ARFGAP3: variants seen among roughly 807,000 people sequenced by gnomAD.
ARFGAP3 encodes ARF GTPase activating protein 3, also known as ADP-ribosylation factor GTPase-activating protein 3.
In ARFGAP3, 72 loss-of-function variants were observed where a neutral mutation model predicts 75.0. The observed-to-expected ratio is 0.96, with a 90% CI of 0.79 to 1.17. ARFGAP3 has a LOEUF of 1.17. ARFGAP3 is among the 50% of genes most tolerant of loss of function. ARFGAP3 has a pLI of 0.00. For missense variants in ARFGAP3, 620 were observed against 626.6 expected (o/e 0.99, Z 0.11); for synonymous variants, 221 against 217.9 (o/e 1.01, Z -0.13).
intron 2 of ARFGAP3, among the ~76,000 whole-genome samples, chr22:42,842,146 A>T (rs914302856): frequency 3.3e-5 from 5 of 151,208 alleles, no homozygotes; most frequent in African/African-American, 4.9e-5. Context: ...CTGGGATAAC[A>T]GGCAGGTGTC....
intron 1 of ARFGAP3, 32 bp downstream of exon 1, chr22:42,857,082 C>T: frequency 6.7e-7 from 1 of 1,489,052 alleles, no homozygotes; most frequent in Non-Finnish European, 9.0e-7. Flanking sequence ...GCAGGGATGC[C>T]AGGCAGGCCC....
chr22:42,818,671 C>A (rs1925683300), intron 9 of ARFGAP3, among the ~76,000 whole-genome samples: 1 of 151,282 alleles, frequency 6.6e-6, no homozygotes. Context: ...GAAAAATGAT[C>A]TATCTAACTT....
At chr22:42,821,674 G>A (rs1008274407) in intron 9 of ARFGAP3, among the ~76,000 whole-genome samples, 13 of 152,118 alleles carry the variant, frequency 8.5e-5, no homozygotes, top group African/African-American at 1.2e-4. Context: ...TAGGATTAAC[G>A]CCACTATGAA....
chr22:42,809,658 A>C (rs1369548508), intron 12 of ARFGAP3, among the ~76,000 whole-genome samples: 1 of 152,100 alleles, frequency 6.6e-6, no homozygotes, highest in Non-Finnish European at 1.5e-5. Flanking sequence ...GCTTGTCAGA[A>C]CTGTAAGTTT....
In ARFGAP3 at chr22:42,825,620, G is replaced by C. The variant is rs112303732; in HGVS notation, c.625+1320C>G. Among the ~76,000 whole-genome samples the C allele has an allele frequency of 7.6e-3, 1,146 of 151,720 alleles. 20 individuals are homozygous for C. The highest frequency in any genetic ancestry group is 0.027 in the African/African-American group (1,104 of 41,308). On this transcript the variant is annotated intron_variant, in intron 7 of 15. Coordinates refer to ENST00000263245, the MANE Select transcript of ARFGAP3 (RefSeq NM_014570.5). ...AACCCAGGAGGCACCGGGAGGCAGA[G>C]GTTGCAGTGAGCTGAGATCGTGCCA...
At position 42,797,544 on chromosome 22, in the gene ARFGAP3, T is replaced by C. The variant is rs759996861; in HGVS notation, c.*44A>G. The C allele has an allele frequency of 6.2e-7, 1 of 1,613,834 alleles. No homozygotes were observed. The highest frequency in any genetic ancestry group is 1.1e-5 in the South Asian group (1 of 91,024). ...GCCTGAGATGTGGTTACTTGTTCAT[T>C]TAAAGAGGAATTTCTCCAGGAAATA... On this transcript the variant is annotated 3_prime_UTR_variant, in exon 16 of 16. Coordinates refer to ENST00000263245, the MANE Select transcript of ARFGAP3 (RefSeq NM_014570.5).
intron 7 of ARFGAP3, among the ~76,000 whole-genome samples, chr22:42,824,497 C>T (rs1035569749): frequency 3.3e-5 from 5 of 149,364 alleles, no homozygotes; most frequent in Non-Finnish European, 7.4e-5. Context: ...GCTGGGACTA[C>T]AGGCATATGC....
chr22:42,849,272 A>G, intron 1 of ARFGAP3, among the ~76,000 whole-genome samples: 1 of 152,188 alleles, frequency 6.6e-6, no homozygotes, highest in East Asian at 1.9e-4. Flanking sequence ...GATCTGATAC[A>G]CAGCAATAGA....
rs968235729 is a variant in ARFGAP3, at chr22:42,806,968, A to C, written c.1411+105T>G. On this transcript the variant is annotated intron_variant, in intron 14 of 15. Coordinates refer to ENST00000263245, the MANE Select transcript of ARFGAP3 (RefSeq NM_014570.5). The stretch of plus-strand genomic sequence containing the variant: ...CTTATAGCAGAGATCAGAGCATCGA[A>C]TAATGGTTGCTAAAATATCTTGGAA... 17 of 1,185,016 alleles carry C rather than the reference A, an allele frequency of 1.4e-5. No individual in the cohort carries two copies. In the Middle Eastern group the frequency reaches 6.1e-4, roughly 42 times the overall value. The allele number at this position is 1,185,016 out of a possible 1,614,324, so 73.4% of individuals were successfully genotyped here.
At chr22:42,819,867 T>C (rs973826921) in intron 9 of ARFGAP3, among the ~76,000 whole-genome samples, 4 of 152,202 alleles carry the variant, frequency 2.6e-5, no homozygotes, top group African/African-American at 7.2e-5. Flanking sequence ...GTGGTGGTCA[T>C]TAAGGCACAG....
chr22:42,818,313 G>T (rs560560514), intron 9 of ARFGAP3, among the ~76,000 whole-genome samples: 6 of 152,162 alleles, frequency 3.9e-5, no homozygotes, highest in Admixed American at 3.9e-4. Flanking sequence ...CAACTAAGGG[G>T]CTATTACTTA....
At chr22:42,814,379 T>G (rs1193013925) in intron 11 of ARFGAP3, among the ~76,000 whole-genome samples, 2 of 152,210 alleles carry the variant, frequency 1.3e-5, no homozygotes, top group Admixed American at 1.3e-4. Flanking sequence ...CAAGGAGGAC[T>G]AGAGAAGGCA....
At chr22:42,827,492 G>A (rs1242880215) in intron 6 of ARFGAP3, among the ~76,000 whole-genome samples, 10 of 152,092 alleles carry the variant, frequency 6.6e-5, no homozygotes, top group African/African-American at 4.8e-5. Context: ...TCGGCCACCC[G>A]AGTAGCTGGG....
intron 9 of ARFGAP3, among the ~76,000 whole-genome samples, chr22:42,818,879 C>G (rs1925693200): frequency 6.8e-6 from 1 of 146,134 alleles, no homozygotes; most frequent in Non-Finnish European, 1.5e-5. Flanking sequence ...GTGGTGCAAT[C>G]TTGGCTCACT....
intron 11 of ARFGAP3, among the ~76,000 whole-genome samples, chr22:42,816,631 G>A (rs975136287): frequency 1.3e-5 from 2 of 152,214 alleles, no homozygotes; most frequent in Non-Finnish European, 2.9e-5. Flanking sequence ...GATAGTGAGT[G>A]CTGAAGGAGA....
Position 42,823,577 on chromosome 22 carries a change from A to G in ARFGAP3, c.672+79T>C, listed in dbSNP as rs1406267127. The G allele has an allele frequency of 1.2e-5, 13 of 1,068,814 alleles. No homozygotes were observed. In the East Asian group the frequency reaches 3.3e-4, roughly 27 times the overall value. The allele number at this position is 1,068,814 out of a possible 1,614,324, so 66.2% of individuals were successfully genotyped here. Reference sequence around the variant, plus strand: ...TTATTACAAGATGGTTCAAAAGAATAAAACTAAAATGACGAAGCGGCTTTT... The same window carrying G: ...TTATTACAAGATGGTTCAAAAGAATGAAACTAAAATGACGAAGCGGCTTTT... On this transcript the variant is annotated intron_variant, in intron 8 of 15. Transcript: ENST00000263245.
At chr22:42,810,199 G>A (rs572138374) in intron 12 of ARFGAP3, among the ~76,000 whole-genome samples, 31 of 152,122 alleles carry the variant, frequency 2.0e-4, no homozygotes, top group South Asian at 6.2e-4. Context: ...TGGGCACGGT[G>A]GCTCACACCT....
intron 2 of ARFGAP3, among the ~76,000 whole-genome samples, chr22:42,844,267 G>A (rs942366611): frequency 2.6e-5 from 4 of 151,988 alleles, no homozygotes; most frequent in Admixed American, 2.0e-4. Context: ...GAAGTGGTGA[G>A]ATCATAGCTC....
intron 2 of ARFGAP3, among the ~76,000 whole-genome samples, chr22:42,846,675 A>G (rs1478097556): frequency 2.0e-5 from 3 of 152,240 alleles, no homozygotes; most frequent in East Asian, 1.9e-4. Flanking sequence ...AGCCAGAGCT[A>G]TAAGATTACG....
Sources: allele counts gnomAD v4.1 joint callset (sites outside exome capture counted in the v4.1 genomes callset), GRCh38; gene constraint gnomAD v4.1.1; transcripts MANE v1.5; gene names NCBI Gene and HGNC (gene_info 2026-07-23, HGNC 2026-07-21).